CALM2: variants seen among roughly 807,000 people sequenced by gnomAD.
CALM2 encodes calmodulin-2.
Under a neutral mutation model 19.8 loss-of-function variants are expected in CALM2, and 2 were observed. The ratio of observed to expected loss-of-function variants is 0.10; its 90% CI spans 0.04 to 0.32. The LOEUF is 0.32. Ranked by LOEUF, CALM2 falls within the 10% of genes least tolerant of loss-of-function variation. The pLI is 1.00. For missense variants in CALM2, 38 were observed against 178.7 expected (o/e 0.21, Z 4.49); for synonymous variants, 51 against 52.1 (o/e 0.98, Z 0.09).
At chr2:47,167,678 A>T (rs1208962560) in intron 2 of CALM2, 1 of 117,928 alleles carries the variant, frequency 8.5e-6, no homozygotes, top group Non-Finnish European at 1.7e-5. Context: ...TGGGCAAGAG[A>T]GTGAAGCTCC....
In CALM2 at chr2:47,176,503, A is replaced by T; in HGVS notation, c.-60T>A. On this transcript the variant is annotated 5_prime_UTR_variant, in exon 1 of 6. Transcript: ENST00000272298. ...CACAACCACTCAGCTCGCTCTCTCCACTCGGACTAATTCGCCTCCTCCGCC... is the reference window on the plus strand; with the variant it reads ...CACAACCACTCAGCTCGCTCTCTCCTCTCGGACTAATTCGCCTCCTCCGCC... 1 of 1,608,274 alleles carries T rather than the reference A, an allele frequency of 6.2e-7. No individual in the cohort carries two copies. The highest frequency in any genetic ancestry group is 1.3e-5 in the African/African-American group (1 of 74,562).
At chr2:47,175,721 AAGG>A (rs949006376) in intron 1 of CALM2, among the ~76,000 whole-genome samples, 4 of 146,236 alleles carry the variant, frequency 2.7e-5, no homozygotes, top group Non-Finnish European at 6.0e-5. Context: ...CCGCAGCGCC[AAGG>A]AGATCTCCGC....
intron 2 of CALM2, among the ~76,000 whole-genome samples, chr2:47,167,188 A>T (rs941038516): frequency 1.3e-5 from 2 of 152,198 alleles, no homozygotes; most frequent in African/African-American, 4.8e-5. Flanking sequence ...ACATTGAGTA[A>T]TATTAATATT....
chr2:47,170,847 G>C (rs921888474), intron 1 of CALM2, 83 bp from the exon 2 acceptor site: 2 of 1,059,528 alleles, frequency 1.9e-6, no homozygotes, highest in Admixed American at 1.7e-5. Flanking sequence ...AACCTTTCAA[G>C]GGTTACCATG....
At chr2:47,166,721 C>T (rs1274683857) in intron 2 of CALM2, among the ~76,000 whole-genome samples, 1 of 152,060 alleles carries the variant, frequency 6.6e-6, no homozygotes, top group Non-Finnish European at 1.5e-5. Context: ...TCAGAACTAG[C>T]GTAATCTTTA....
chr2:47,176,404 C>T lies in CALM2; in HGVS notation c.3+37G>A, dbSNP rs533301274. 14 of 1,611,496 alleles carry T rather than the reference C, an allele frequency of 8.7e-6. No homozygotes were observed. In the South Asian group the frequency reaches 1.1e-4, roughly 13 times the overall value. ...TCAGTTCGCTCCAGTCTCTTCCCCC[C>T]ACAGGCCCAGCGCCGGCAGCTCAGC... is the stretch of plus-strand genomic sequence containing the variant. On this transcript the variant is annotated intron_variant, in intron 1 of 5. Coordinates refer to ENST00000272298, the MANE Select transcript of CALM2 (RefSeq NM_001743.6).
intron 2 of CALM2, among the ~76,000 whole-genome samples, chr2:47,168,063 T>G (rs1035944007): frequency 4.6e-5 from 7 of 152,094 alleles, no homozygotes; most frequent in African/African-American, 1.7e-4. Flanking sequence ...TCTAGAACTT[T>G]TTTGTGTTAC....
At chr2:47,164,545 C>T (rs1325753839) in intron 2 of CALM2, among the ~76,000 whole-genome samples, 1 of 149,976 alleles carries the variant, frequency 6.7e-6, no homozygotes, top group African/African-American at 2.5e-5. Context: ...TGCAGTGAGC[C>T]GAGATCACAC....
intron 1 of CALM2, chr2:47,173,345 G>T (rs1029047012): frequency 2.0e-5 from 3 of 152,064 alleles, no homozygotes; most frequent in Admixed American, 6.5e-5. Context: ...AAGTGAAGAA[G>T]AATTCACTAG....
chr2:47,172,077 C>T (rs1475625928), intron 1 of CALM2: 1 of 152,484 alleles, frequency 6.6e-6, no homozygotes, highest in African/African-American at 2.4e-5. Flanking sequence ...AATGTATCCA[C>T]TTTTATCCCT....
Position 47,176,446 on chromosome 2 carries a change from T to C in CALM2, c.-3A>G, listed in dbSNP as rs1483970774. 2 of 1,613,666 alleles carry C rather than the reference T, an allele frequency of 1.2e-6. No individual in the cohort carries two copies. The highest frequency in any genetic ancestry group is 1.7e-5 in the Admixed American group (1 of 60,010). ...CAGCTCAGCGATGCACTCACCATGC[T>C]GCAAGCGCTACCGGTTTCCGAGACG... On this transcript the variant is annotated 5_prime_UTR_variant, in exon 1 of 6. Coordinates refer to ENST00000272298, the MANE Select transcript of CALM2 (RefSeq NM_001743.6).
chr2:47,176,463 TC>T lies in CALM2; in HGVS notation c.-21del. On this transcript the variant is annotated 5_prime_UTR_variant, in exon 1 of 6. Coordinates refer to ENST00000272298, the MANE Select transcript of CALM2 (RefSeq NM_001743.6). ...CACCATGCTGCAAGCGCTACCGGTTTCCGAGACGCGACCACACAACCACTCA... is the reference window on the plus strand; with the variant it reads ...CACCATGCTGCAAGCGCTACCGGTTTCGAGACGCGACCACACAACCACTCA... 1 of 1,613,784 alleles carries T rather than the reference TC, an allele frequency of 6.2e-7. No homozygotes were observed.
chr2:47,174,579 C>T (rs1176489040), intron 1 of CALM2, among the ~76,000 whole-genome samples: 1 of 151,478 alleles, frequency 6.6e-6, no homozygotes, highest in African/African-American at 2.4e-5. Flanking sequence ...TAAGAGCTGT[C>T]AATTTAACAG....
chr2:47,162,250 A>G (rs774951771), intron 4 of CALM2, 36 bp downstream of exon 4: 1 of 1,210,328 alleles, frequency 8.3e-7, no homozygotes, highest in Admixed American at 2.4e-5. Flanking sequence ...TCTTCATTTC[A>G]TCCTCAAAAT....
intron 1 of CALM2, 45 bp downstream of exon 1, chr2:47,176,396 C>T (rs1284948002): frequency 2.5e-6 from 4 of 1,610,002 alleles, no homozygotes; most frequent in East Asian, 4.5e-5. Flanking sequence ...GCTCCAGTCT[C>T]TTCCCCCCAC....
upstream of CALM2, chr2:47,176,867 A>C (rs1666892723): frequency 1.0e-6 from 1 of 985,090 alleles, no homozygotes; most frequent in South Asian, 4.7e-5. Flanking sequence ...CGTCACTGGG[A>C]CTCGCAGCCG....
intron 1 of CALM2, chr2:47,172,162 A>C (rs1666690989): frequency 9.7e-6 from 2 of 206,396 alleles, no homozygotes; most frequent in South Asian, 1.4e-4. Flanking sequence ...AATAAGGTTT[A>C]AAATCCAGTA....
At chr2:47,172,550 C>T (rs998065772) in intron 1 of CALM2, 4 of 1,006,238 alleles carry the variant, frequency 4.0e-6, no homozygotes, top group African/African-American at 1.7e-5. Context: ...ATTTCCACAC[C>T]GAATGTAGAC....
intron 2 of CALM2, among the ~76,000 whole-genome samples, chr2:47,165,558 G>GT (rs960194578): frequency 7.9e-5 from 12 of 152,130 alleles, no homozygotes; most frequent in African/African-American, 1.9e-4. Flanking sequence ...CTTGGCCTTC[G>GT]TAACAGTACT....
Sources: gnomAD v4.1 joint callset for allele counts (sites outside exome capture counted in the v4.1 genomes callset) on GRCh38, gnomAD v4.1.1 for gene constraint, MANE v1.5 for transcripts, NCBI Gene and HGNC (gene_info 2026-07-23, HGNC 2026-07-21) for gene names.